Variants in NBEAL1 observed in about 807,000 individuals in gnomAD.
NBEAL1 encodes neurobeachin-like protein 1.
A neutral mutation model predicts 351.3 loss-of-function variants in NBEAL1; 273 were observed. That is an observed-to-expected ratio of 0.78 (90% CI 0.70 to 0.86). NBEAL1 has a LOEUF of 0.86. Among genes scored for constraint, NBEAL1 ranks in the 40% least tolerant of loss-of-function variants. NBEAL1 has a pLI of 0.00. For synonymous variants in NBEAL1, 1,050 were observed against 1,086.4 expected (o/e 0.97, Z 0.66); for missense variants, 2,961 against 3,201.3 (o/e 0.92, Z 1.81).
At chr2:203,144,043 C>T (rs2063447188) in intron 31 of NBEAL1, among the ~76,000 whole-genome samples, 1 of 151,788 alleles carries the variant, frequency 6.6e-6, no homozygotes, top group Admixed American at 6.6e-5. Context: ...AACCCTGTCT[C>T]TACTAAAAAT....
chr2:203,049,305 C>T lies in NBEAL1; in HGVS notation c.144-509C>T, dbSNP rs146101717. ...AGCTCCTAACCTCGTGATCCACCCA[C>T]CTCGGCCTCCAAAAGTGCTGGGATT... On this transcript the variant is annotated intron_variant, in intron 3 of 55. Transcript: ENST00000683969. Among the ~76,000 whole-genome samples the T allele has an allele frequency of 1.6e-3, 246 of 152,290 alleles. 8 individuals carry two copies. In the East Asian group the frequency reaches 0.046, roughly 28 times the overall value.
chr2:203,177,506 A>G lies in NBEAL1; in HGVS notation c.6464+2219A>G, dbSNP rs540526179. Reference sequence around the variant, plus strand: ...AGATATGCAAATGTTCAGTAAACACATGAAAAGATGCTCAACAGCATGAGT... The same window carrying G: ...AGATATGCAAATGTTCAGTAAACACGTGAAAAGATGCTCAACAGCATGAGT... On this transcript the variant is annotated intron_variant, in intron 42 of 55. Transcript: ENST00000683969. Among the ~76,000 whole-genome samples the G allele has an allele frequency of 8.5e-5, 13 of 152,318 alleles. No individual in the cohort carries two copies. In the East Asian group the frequency reaches 2.5e-3, roughly 29 times the overall value.
chr2:203,190,540 C>T, intron 46 of NBEAL1, 151 bp downstream of exon 46: 4 of 726,950 alleles, frequency 5.5e-6, no homozygotes. Context: ...TATATTATTT[C>T]CAAGAGGAAA....
At chr2:203,204,148 C>T (rs2065482909) in intron 51 of NBEAL1, among the ~76,000 whole-genome samples, 1 of 150,806 alleles carries the variant, frequency 6.6e-6, no homozygotes, top group Non-Finnish European at 1.5e-5. Flanking sequence ...AGGACGGTCT[C>T]GAACTCTTGA....
chr2:203,203,901 C>T (rs184430977), intron 51 of NBEAL1, among the ~76,000 whole-genome samples: 7 of 151,440 alleles, frequency 4.6e-5, no homozygotes, highest in African/African-American at 1.7e-4. Flanking sequence ...TAGCCATACC[C>T]TCTTTTGTTT....
intron 53 of NBEAL1, among the ~76,000 whole-genome samples, chr2:203,210,430 G>A (rs1392860312): frequency 1.3e-5 from 2 of 151,084 alleles, no homozygotes; most frequent in African/African-American, 4.9e-5. Flanking sequence ...GGGAGGCCGA[G>A]GTGGGCGGAT....
intron 38 of NBEAL1, 150 bp from the exon 39 acceptor site, chr2:203,169,597 G>C (rs902993290): frequency 3.0e-5 from 13 of 440,032 alleles, no homozygotes; most frequent in African/African-American, 1.9e-4. Flanking sequence ...GGGCAACAGA[G>C]ACTGTCTCAA....
chr2:203,136,766 A>G lies in NBEAL1; in HGVS notation c.4557A>G (p.Ile1519Met). 1 of 1,612,496 alleles carries G rather than the reference A, an allele frequency of 6.2e-7. No individual in the cohort carries two copies. The highest frequency in any genetic ancestry group is 8.5e-7 in the Non-Finnish European group (1 of 1,179,384). The change falls in exon 29 of 56, where the codon ATA becomes ATG. Residue 1519 changes from isoleucine to methionine, a missense_variant. Coordinates refer to ENST00000683969, the MANE Select transcript of NBEAL1 (RefSeq NM_001378026.1). ...AACTACTTCGACCATCAGATGAAAT[A>G]AAACTAACGTAAGCATTTAGTTAGT... Reference protein sequence around the residue: ...SSELLRPSDEIKLTLLQKMLE... With the variant: ...SSELLRPSDEMKLTLLQKMLE...
chr2:203,192,111 G>A (rs1277930291), intron 46 of NBEAL1, among the ~76,000 whole-genome samples: 2 of 152,182 alleles, frequency 1.3e-5, no homozygotes, highest in African/African-American at 4.8e-5. Flanking sequence ...CTTAGCAACA[G>A]TTTGCTCGGA....
chr2:203,028,758 T>C (rs977011982), intron 2 of NBEAL1, among the ~76,000 whole-genome samples: 1 of 152,124 alleles, frequency 6.6e-6, no homozygotes, highest in Non-Finnish European at 1.5e-5. Flanking sequence ...GCCTGCTGTA[T>C]GCACATGTCC....
In NBEAL1 at chr2:203,144,871, A is replaced by G. The variant is rs754385841; in HGVS notation, c.5120A>G (p.Asn1707Ser). ...SFFEDFQEYC[N>S]SNEWQVYIEK... The stretch of plus-strand genomic sequence containing the variant: ...TTTGAAGATTTTCAAGAATATTGTA[A>G]TTCAAATGAATGGCAAGTTTACATT... The change falls in exon 32 of 56, where the codon AAT becomes AGT. Residue 1707 changes from asparagine to serine, a missense_variant. Coordinates refer to ENST00000683969, the MANE Select transcript of NBEAL1 (RefSeq NM_001378026.1). The G allele has an allele frequency of 3.2e-5, 52 of 1,602,130 alleles. No homozygotes were observed. In the South Asian group the frequency reaches 5.2e-4, roughly 16 times the overall value.
chr2:203,151,874 G>C (rs980484904), intron 35 of NBEAL1, among the ~76,000 whole-genome samples: 1 of 152,056 alleles, frequency 6.6e-6, no homozygotes, highest in African/African-American at 2.4e-5. Flanking sequence ...ATGAAACAAT[G>C]TTCTTTTCTC....
At chr2:203,101,728 TG>T (rs1183392158) in intron 12 of NBEAL1, among the ~76,000 whole-genome samples, 2 of 152,164 alleles carry the variant, frequency 1.3e-5, no homozygotes, top group Admixed American at 1.3e-4. Context: ...CCCAAGTAGC[TG>T]GGATTACAGG....
intron 35 of NBEAL1, among the ~76,000 whole-genome samples, chr2:203,153,789 G>GT (rs768789374): frequency 2.6e-5 from 4 of 152,096 alleles, no homozygotes; most frequent in Non-Finnish European, 4.4e-5. Flanking sequence ...AAGGCATAGT[G>GT]TTCCATATTA....
intron 46 of NBEAL1, chr2:203,191,319 G>A (rs1487743111): frequency 0.022 from 8,706 of 390,984 alleles, 6 homozygotes; most frequent in South Asian, 0.073. Context: ...TTTGACAACT[G>A]AAAAAAAAAA....
intron 49 of NBEAL1, among the ~76,000 whole-genome samples, chr2:203,201,338 G>A (rs550723850): frequency 6.6e-6 from 1 of 152,204 alleles, no homozygotes; most frequent in Admixed American, 6.5e-5. Flanking sequence ...TACCACTTGA[G>A]ATTGTTATGT....
chr2:203,190,844 T>C lies in NBEAL1; in HGVS notation c.6921+455T>C, dbSNP rs375008637. On this transcript the variant is annotated intron_variant, in intron 46 of 55. Transcript: ENST00000683969. The stretch of plus-strand genomic sequence containing the variant: ...TACCTGAGGTGCACCGGAGGTGAAG[T>C]CGGTGCCACTTCTGCCCTGGCCCCC... 1.6e-3 allele frequency: 2,588 copies of C among 1,610,700 alleles called. 2 individuals are homozygous for C. The South Asian group carries it at 0.025, about 16-fold the overall frequency.
chr2:203,132,271 A>G, intron 26 of NBEAL1, 139 bp downstream of exon 26: 1 of 602,896 alleles, frequency 1.7e-6, no homozygotes, highest in South Asian at 2.6e-5. Context: ...TATCTTACGT[A>G]GTTTTGTTGT....
intron 36 of NBEAL1, among the ~76,000 whole-genome samples, chr2:203,160,625 G>T (rs574660080): frequency 6.6e-6 from 1 of 151,696 alleles, no homozygotes; most frequent in Non-Finnish European, 1.5e-5. Context: ...CATAATTTTT[G>T]TAAAAAAAAC....
Sources: gnomAD v4.1 joint callset for allele counts (sites outside exome capture counted in the v4.1 genomes callset) on GRCh38, gnomAD v4.1.1 for gene constraint, MANE v1.5 for transcripts, NCBI Gene and HGNC (gene_info 2026-07-23, HGNC 2026-07-21) for gene names.